PTCH1: variants seen among roughly 807,000 people sequenced by gnomAD.
PTCH1 encodes the protein patched 1.
In PTCH1, 14 loss-of-function variants were observed where a neutral mutation model predicts 144.6. That is an observed-to-expected ratio of 0.10 (90% CI 0.06 to 0.15). PTCH1 has a LOEUF of 0.15. Among genes scored for constraint, PTCH1 ranks in the 10% least tolerant of loss-of-function variants. The pLI is 1.00. For missense variants in PTCH1, 1,623 were observed against 1,948.3 expected (o/e 0.83, Z 3.14); for synonymous variants, 833 against 793.6 (o/e 1.05, Z -0.83).
chr9:95,514,647 T>TGTGTGTGTGTGTGTGTGAGAGA (rs56689083), intron 1 of PTCH1: 66 of 148,914 alleles, frequency 4.4e-4, no homozygotes, highest in African/African-American at 1.6e-3. Flanking sequence ...TGTGTGTGTG[T>TGTGTGTGTGTGTGTGTGAGAGA]GAGAGAGAGA....
At chr9:95,446,658 C>T (rs894654876) in intron 23 of PTCH1, 10 of 596,128 alleles carry the variant, frequency 1.7e-5, no homozygotes, top group African/African-American at 9.3e-5. Flanking sequence ...CTGTTTGTGT[C>T]CTTGTGGCGC....
At chr9:95,465,505 A>G (rs535839878) in intron 15 of PTCH1, among the ~76,000 whole-genome samples, 47 of 152,348 alleles carry the variant, frequency 3.1e-4, no homozygotes, top group Middle Eastern at 3.4e-3. Flanking sequence ...GTGTTAATAA[A>G]TAATAATCAT....
rs974450406 is a variant in PTCH1, at chr9:95,461,786, C to G, written c.2703+70G>C. 5 of 1,601,330 alleles carry G rather than the reference C, an allele frequency of 3.1e-6. No homozygotes were observed. In the African/African-American group the frequency reaches 6.7e-5, roughly 21 times the overall value. On this transcript the variant is annotated intron_variant, in intron 16 of 23. Coordinates refer to ENST00000331920, the MANE Select transcript of PTCH1 (RefSeq NM_000264.5). ...AGCACAGGGTGGGGTCACACGCTGTCAAGCAGCCTCCACCAGGGCAGCGGC... is the reference window on the plus strand; with the variant it reads ...AGCACAGGGTGGGGTCACACGCTGTGAAGCAGCCTCCACCAGGGCAGCGGC...
At chr9:95,468,642 ATTT>A in intron 14 of PTCH1, 106 bp downstream of exon 14, 20 of 1,263,960 alleles carry the variant, frequency 1.6e-5, no homozygotes, top group Non-Finnish European at 2.0e-5. Context: ...CTTAAACGAA[ATTT>A]TTTTTTTTTT....
intron 1 of PTCH1, among the ~76,000 whole-genome samples, chr9:95,516,149 G>A (rs1237986387): frequency 3.3e-5 from 5 of 151,624 alleles, no homozygotes; most frequent in African/African-American, 4.8e-5. Context: ...CCCTCCGTGA[G>A]AATTCCCCCC....
At chr9:95,483,264 CAA>C (rs149950611) in intron 3 of PTCH1, 16,012 of 141,760 alleles carry the variant, frequency 0.11, 957 homozygotes, top group African/African-American at 0.17. Flanking sequence ...CCCTATCTCT[CAA>C]AAAAAAAAGA....
Position 95,508,959 on chromosome 9 carries a change from CGCGGTGGCTGCTGCT to C in PTCH1, c.-613_-599del, listed in dbSNP as rs1408927526. Among the ~76,000 whole-genome samples, 3 of 151,592 alleles carry C rather than the reference CGCGGTGGCTGCTGCT, an allele frequency of 2.0e-5. No homozygotes were observed. Among genetic ancestry groups the C allele is most frequent in the Non-Finnish European group, 2.9e-5 (2 of 67,852 alleles). The stretch of plus-strand genomic sequence containing the variant: ...GGGCAGCCGCAGCTGCCGCTGCTCC[CGCGGTGGCTGCTGCT>C]GGCGGTGGCGGCTCCAGGAGCTGCT... On this transcript the variant is annotated 5_prime_UTR_variant, in exon 1 of 24. Transcript: ENST00000331920.
In PTCH1 at chr9:95,476,292, G is replaced by C. The variant is rs1841029638; in HGVS notation, c.1603-133C>G. Reference sequence around the variant, plus strand: ...TTATCATGCTGGCATTAGGGAAACAGAGCCACCTGCCTTACCCCCTAACAC... The same window carrying C: ...TTATCATGCTGGCATTAGGGAAACACAGCCACCTGCCTTACCCCCTAACAC... On this transcript the variant is annotated intron_variant, in intron 11 of 23. Coordinates refer to ENST00000331920, the MANE Select transcript of PTCH1 (RefSeq NM_000264.5). The surrounding 1 kb of genome is among the most constrained non-coding windows in gnomAD (Gnocchi z 4.6). The C allele has an allele frequency of 1.5e-6, 2 of 1,311,016 alleles. No homozygotes were observed. The highest frequency in any genetic ancestry group is 2.0e-5 in the Admixed American group (1 of 50,610). 81.2% of individuals were successfully genotyped at this position (1,311,016 alleles called of 1,614,324 possible).
rs1839276876 is a variant in PTCH1, at chr9:95,459,623, T to A, written c.2864A>T (p.Tyr955Phe). Reference protein sequence around the residue: ...RPEWVHDKADYMPETRLRIPA... With the variant: ...RPEWVHDKADFMPETRLRIPA... ...ACTTCTCAGCCTTGTTTCAGGCATGTAGTCGGCTTTGTCGTGGACCCATTC... is the reference window on the plus strand; with the variant it reads ...ACTTCTCAGCCTTGTTTCAGGCATGAAGTCGGCTTTGTCGTGGACCCATTC... Residue 955 changes from tyrosine to phenylalanine, a missense_variant, in exon 17 of 24, where the codon TAC becomes TTC. Coordinates refer to ENST00000331920, the MANE Select transcript of PTCH1 (RefSeq NM_000264.5). The A allele has an allele frequency of 2.5e-6, 4 of 1,614,028 alleles. No individual in the cohort carries two copies. Among genetic ancestry groups the A allele is most frequent in the Middle Eastern group, 1.7e-4 (1 of 5,886 alleles).
chr9:95,479,887 CT>C, intron 7 of PTCH1, 81 bp downstream of exon 7: 1 of 1,599,080 alleles, frequency 6.3e-7, no homozygotes. Context: ...TACAAATACA[CT>C]TGCCGATGTC....
At chr9:95,484,035 T>G (rs1385053346) in intron 3 of PTCH1, 1 of 152,244 alleles carries the variant, frequency 6.6e-6, no homozygotes, top group Non-Finnish European at 1.5e-5. Context: ...TGGGTTGAAC[T>G]ACATGTTCTT....
At chr9:95,477,965 C>T (rs1294990274) in intron 9 of PTCH1, 90 bp downstream of exon 9, 4 of 1,591,238 alleles carry the variant, frequency 2.5e-6, no homozygotes, top group East Asian at 2.2e-5. Flanking sequence ...ATGTTAAGAG[C>T]AGTTAAGAAG....
At chr9:95,479,226 TCCC>T (rs1481590969) in intron 7 of PTCH1, 79 bp from the exon 8 acceptor site, 2 of 1,565,838 alleles carry the variant, frequency 1.3e-6, no homozygotes, top group Admixed American at 1.7e-5. Flanking sequence ...CCCAGCCAGC[TCCC>T]CCAACTCACT....
At chr9:95,505,179 G>C (rs1843469502) in intron 2 of PTCH1, among the ~76,000 whole-genome samples, 1 of 152,172 alleles carries the variant, frequency 6.6e-6, no homozygotes, top group Non-Finnish European at 1.5e-5. Context: ...CACAAACAAG[G>C]AGAGATTAAG....
At chr9:95,469,253 A>C (rs1208863047) in intron 13 of PTCH1, 100 bp from the exon 14 acceptor site, 1 of 1,471,850 alleles carries the variant, frequency 6.8e-7, no homozygotes, top group African/African-American at 1.4e-5. Context: ...CCCATTTTAC[A>C]CAGCTCTGAC....
At chr9:95,447,508 G>A (rs903663564) in intron 22 of PTCH1, 57 bp from the exon 23 acceptor site, 91 of 1,472,886 alleles carry the variant, frequency 6.2e-5, no homozygotes, top group African/African-American at 2.1e-4. Flanking sequence ...CATGGTCCCC[G>A]CAGCTCCCAC....
At position 95,449,263 on chromosome 9, in the gene PTCH1, C is replaced by T. The variant is rs370675945; in HGVS notation, c.3610G>A (p.Val1204Met). ...PTPSPEPPPS[V>M]VRFAMPPGHT... ...CCGGGCGGCATGGCGAAGCGGACCA[C>T]GCTGGGGGGTGGCTCAGGGGAGGGT... Residue 1204 changes from valine to methionine, a missense_variant, in exon 22 of 24, where the codon GTG (valine) becomes ATG (methionine). By Grantham distance (21) the Val-to-Met change is conservative. Transcript: ENST00000331920. The surrounding 1 kb of genome is among the most constrained non-coding windows in gnomAD (Gnocchi z 5.3). 5.3e-5 allele frequency: 83 copies of T among 1,565,616 alleles called. No homozygotes were observed. The highest frequency in any genetic ancestry group is 6.2e-5 in the Non-Finnish European group (72 of 1,154,968).
intron 12 of PTCH1, among the ~76,000 whole-genome samples, chr9:95,470,196 G>A (rs1840438685): frequency 6.6e-6 from 1 of 152,080 alleles, no homozygotes; most frequent in Non-Finnish European, 1.5e-5. Flanking sequence ...AACTACTAAC[G>A]TGTTGCTAGT....
At chr9:95,462,083 CAGGGCAGGG>C in intron 15 of PTCH1, 85 bp from the exon 16 acceptor site, 1 of 1,501,548 alleles carries the variant, frequency 6.7e-7, no homozygotes, top group South Asian at 1.1e-5. Context: ...GGAGACTGAG[CAGGGCAGGG>C]GGCTCTTAGA....
Sources: allele counts gnomAD v4.1 joint callset (sites outside exome capture counted in the v4.1 genomes callset), GRCh38; gene constraint gnomAD v4.1.1; non-coding constraint Gnocchi (gnomAD v3.1); transcripts MANE v1.5; gene names NCBI Gene and HGNC (gene_info 2026-07-23, HGNC 2026-07-21).